Variants in NEGR1 observed in about 807,000 individuals in gnomAD.
The protein encoded by NEGR1 is neuronal growth regulator 1, also known as IgLON family member 4.
NEGR1 carries 10 observed loss-of-function variants against 40.9 expected under a neutral mutation model. The observed-to-expected ratio is 0.24, with a 90% CI of 0.15 to 0.42. The LOEUF (loss-of-function observed/expected upper bound fraction) is 0.42, where lower values mean the gene tolerates loss of function less well. NEGR1 is among the 10% of genes least tolerant of loss of function. The pLI, the probability that NEGR1 is intolerant of heterozygous loss-of-function variation, is 1.00. For synonymous variants in NEGR1, 185 were observed against 166.8 expected (o/e 1.11, Z -0.84); for missense variants, 352 against 438.9 (o/e 0.80, Z 1.77).
At chr1:71,928,435 TACAC>T (rs1338689838) in intron 2 of NEGR1, among the ~76,000 whole-genome samples, 1 of 80,118 alleles carries the variant, frequency 1.2e-5, no homozygotes, top group Admixed American at 1.8e-4. Flanking sequence ...TATGTATATA[TACAC>T]ATATATATGT....
chr1:71,936,682 G>C (rs1015589291), intron 1 of NEGR1, among the ~76,000 whole-genome samples: 31 of 152,170 alleles, frequency 2.0e-4, no homozygotes, highest in African/African-American at 6.8e-4. Context: ...GATGGAATTG[G>C]AGAAATAAAA....
intron 1 of NEGR1, among the ~76,000 whole-genome samples, chr1:72,255,839 A>G (rs1042865876): frequency 2.0e-5 from 3 of 152,114 alleles, no homozygotes; most frequent in Admixed American, 6.5e-5. Context: ...ATGAGCCACT[A>G]TGGCCAGCCA....
intron 6 of NEGR1, among the ~76,000 whole-genome samples, chr1:71,574,524 C>T (rs1648901951): frequency 6.6e-6 from 1 of 152,036 alleles, no homozygotes; most frequent in South Asian, 2.1e-4. Flanking sequence ...ATAGTTACTA[C>T]CTTTTCTTTC....
At chr1:71,472,283 G>A (rs191632839) in intron 6 of NEGR1, among the ~76,000 whole-genome samples, 1 of 152,030 alleles carries the variant, frequency 6.6e-6, no homozygotes, top group Non-Finnish European at 1.5e-5. Context: ...TTGTCTGACT[G>A]GCTATCATTT....
intron 6 of NEGR1, among the ~76,000 whole-genome samples, chr1:71,419,895 G>A (rs1321076832): frequency 6.7e-6 from 1 of 150,250 alleles, no homozygotes; most frequent in Non-Finnish European, 1.5e-5. Flanking sequence ...CCAAAGAAGA[G>A]TCCAGAAAAG....
intron 3 of NEGR1, among the ~76,000 whole-genome samples, chr1:71,733,769 G>C (rs1654960288): frequency 1.3e-5 from 2 of 152,018 alleles, no homozygotes; most frequent in African/African-American, 4.8e-5. Flanking sequence ...TATAATTGTA[G>C]ACCAAAATAA....
chr1:71,921,027 C>T (rs1179268035), intron 2 of NEGR1, among the ~76,000 whole-genome samples: 5 of 152,164 alleles, frequency 3.3e-5, no homozygotes, highest in Admixed American at 3.3e-4. Flanking sequence ...CCAAGGCTCA[C>T]ATAAATGCCA....
Position 71,571,177 on chromosome 1 carries a change from C to G in NEGR1, c.940+21640G>C, listed in dbSNP as rs926028705. Among the ~76,000 whole-genome samples the G allele has an allele frequency of 3.3e-5, 5 of 152,118 alleles. No homozygotes were observed. In the East Asian group the frequency reaches 9.7e-4, roughly 29 times the overall value. The stretch of plus-strand genomic sequence containing the variant: ...ATGAATAGCATTTTATCATCACTTC[C>G]TTCTTATTCATGAATATATTTTGGG... On this transcript the variant is annotated intron_variant, in intron 6 of 6. Coordinates refer to ENST00000357731, the MANE Select transcript of NEGR1 (RefSeq NM_173808.3).
intron 4 of NEGR1, among the ~76,000 whole-genome samples, chr1:71,691,649 C>A (rs1031605421): frequency 6.6e-6 from 1 of 151,640 alleles, no homozygotes; most frequent in Admixed American, 6.6e-5. Context: ...CAAATTTATT[C>A]TTTTTTCATT....
chr1:71,462,019 A>T (rs190795365), intron 6 of NEGR1, among the ~76,000 whole-genome samples: 1 of 152,306 alleles, frequency 6.6e-6, no homozygotes, highest in Non-Finnish European at 1.5e-5. Flanking sequence ...TTTTGATTCT[A>T]ATTACTAAAT....
chr1:71,539,800 T>C (rs1258456940), intron 6 of NEGR1, among the ~76,000 whole-genome samples: 3 of 151,726 alleles, frequency 2.0e-5, no homozygotes, highest in Non-Finnish European at 4.4e-5. Context: ...CCAATTCTGG[T>C]TTGAGTTAGA....
chr1:72,152,826 T>C (rs554977879), intron 1 of NEGR1, among the ~76,000 whole-genome samples: 8 of 152,096 alleles, frequency 5.3e-5, no homozygotes, highest in African/African-American at 1.9e-4. Context: ...AATTATGTCC[T>C]TTGCAGAAAC....
chr1:71,885,916 T>C (rs1414629790), intron 2 of NEGR1, among the ~76,000 whole-genome samples: 1 of 152,200 alleles, frequency 6.6e-6, no homozygotes, highest in African/African-American at 2.4e-5. Flanking sequence ...ATCTTTATAC[T>C]ATAAATTGAG....
At chr1:71,453,470 T>C (rs1303913517) in intron 6 of NEGR1, among the ~76,000 whole-genome samples, 1 of 152,164 alleles carries the variant, frequency 6.6e-6, no homozygotes, top group East Asian at 1.9e-4. Context: ...GTGTAAAATG[T>C]CATTCAATGC....
intron 1 of NEGR1, among the ~76,000 whole-genome samples, chr1:72,082,805 T>A (rs371680149): frequency 6.7e-4 from 102 of 152,256 alleles, no homozygotes; most frequent in African/African-American, 2.3e-3. Flanking sequence ...TATCACTTAA[T>A]TAAATGTTTT....
At chr1:72,131,867 T>G (rs994483462) in intron 1 of NEGR1, among the ~76,000 whole-genome samples, 1 of 152,224 alleles carries the variant, frequency 6.6e-6, no homozygotes, top group African/African-American at 2.4e-5. Context: ...GAGGCTGAGA[T>G]GGGAGGATCA....
chr1:72,087,134 A>T (rs574864477), intron 1 of NEGR1, among the ~76,000 whole-genome samples: 2 of 152,234 alleles, frequency 1.3e-5, no homozygotes, highest in African/African-American at 4.8e-5. Flanking sequence ...GAATATTATG[A>T]CTAGGCCGGG....
intron 4 of NEGR1, among the ~76,000 whole-genome samples, chr1:71,615,297 A>C (rs983037750): frequency 1.3e-5 from 2 of 151,958 alleles, no homozygotes; most frequent in African/African-American, 4.8e-5. Flanking sequence ...TGAAAAAAAA[A>C]ATATTCCTGG....
At chr1:71,954,205 C>G (rs532966357) in intron 1 of NEGR1, among the ~76,000 whole-genome samples, 1 of 151,686 alleles carries the variant, frequency 6.6e-6, no homozygotes, top group African/African-American at 2.4e-5. Context: ...TAAAGAGACA[C>G]AAAATAAGGA....
Sources: allele counts gnomAD v4.1 joint callset (sites outside exome capture counted in the v4.1 genomes callset), GRCh38; gene constraint gnomAD v4.1.1; transcripts MANE v1.5; gene names NCBI Gene and HGNC (gene_info 2026-07-23, HGNC 2026-07-21).